KAZN: variants seen among roughly 807,000 people sequenced by gnomAD.
KAZN encodes the protein kazrin, periplakin interacting protein.
A neutral mutation model predicts 87.4 loss-of-function variants in KAZN; 40 were observed. That is an observed-to-expected ratio of 0.46 (90% CI 0.36 to 0.60). KAZN has a LOEUF of 0.60. Ranked by LOEUF, KAZN falls within the 20% of genes least tolerant of loss-of-function variation. KAZN has a pLI of 0.00. For missense variants in KAZN, 898 were observed against 1,073.9 expected (o/e 0.84, Z 2.29); for synonymous variants, 466 against 458.3 (o/e 1.02, Z -0.22).
chr1:14,451,652 C>T (rs1667284848), intron 2 of KAZN, among the ~76,000 whole-genome samples: 1 of 152,010 alleles, frequency 6.6e-6, no homozygotes, highest in African/African-American at 2.4e-5. Context: ...GTTTTAAATA[C>T]TTGCTTTTAA....
At chr1:14,280,515 AG>A (rs1465202038) in intron 2 of KAZN, among the ~76,000 whole-genome samples, 1 of 152,032 alleles carries the variant, frequency 6.6e-6, no homozygotes, top group Non-Finnish European at 1.5e-5. Flanking sequence ...TGAAGAGATC[AG>A]GGTGATACAT....
chr1:15,106,851 A>G (rs1221089065), intron 13 of KAZN, among the ~76,000 whole-genome samples: 2 of 152,194 alleles, frequency 1.3e-5, no homozygotes, highest in African/African-American at 2.4e-5. Flanking sequence ...GGCGCCAACA[A>G]TGTGTCAGTC....
At chr1:15,098,489 T>C (rs1996127) in intron 10 of KAZN, among the ~76,000 whole-genome samples, 106,295 of 151,888 alleles carry the variant, frequency 0.7, 37,649 homozygotes, top group African/African-American at 0.8. Context: ...GTGCCCCCTT[T>C]GCAGCTCTCC....
At chr1:14,280,292 AC>A (rs1652742430) in intron 2 of KAZN, among the ~76,000 whole-genome samples, 1 of 145,574 alleles carries the variant, frequency 6.9e-6, no homozygotes, top group South Asian at 2.3e-4. Flanking sequence ...ACTCACTTGA[AC>A]CCGGGAGGCG....
At chr1:14,585,717 A>G (rs1571987740) in intron 2 of KAZN, among the ~76,000 whole-genome samples, 1 of 152,214 alleles carries the variant, frequency 6.6e-6, no homozygotes, top group East Asian at 1.9e-4. Flanking sequence ...GGAGTGAGGA[A>G]TGACAAACAC....
intron 2 of KAZN, among the ~76,000 whole-genome samples, chr1:14,231,810 T>C (rs1016415003): frequency 6.6e-6 from 1 of 152,212 alleles, no homozygotes; most frequent in Non-Finnish European, 1.5e-5. Flanking sequence ...ACAGCAAACA[T>C]TTATTTCTCA....
chr1:14,183,343 C>T (rs1275146321), intron 2 of KAZN, among the ~76,000 whole-genome samples: 1 of 152,214 alleles, frequency 6.6e-6, no homozygotes, highest in East Asian at 1.9e-4. Flanking sequence ...GGGAGCACCT[C>T]ACATGGGTAG....
chr1:14,970,290 C>G (rs1461072359), intron 2 of KAZN, among the ~76,000 whole-genome samples: 1 of 152,180 alleles, frequency 6.6e-6, no homozygotes, highest in Admixed American at 6.5e-5. Context: ...GTCGTGCTTG[C>G]TGATATCTCA....
At chr1:14,490,021 G>A (rs1156821866) in intron 2 of KAZN, among the ~76,000 whole-genome samples, 1 of 152,154 alleles carries the variant, frequency 6.6e-6, no homozygotes, top group African/African-American at 2.4e-5. Flanking sequence ...TTTTGAGAAT[G>A]AGCATGCCAC....
intron 1 of KAZN, among the ~76,000 whole-genome samples, chr1:13,942,889 C>T (rs1167197176): frequency 6.6e-6 from 1 of 152,064 alleles, no homozygotes; most frequent in Non-Finnish European, 1.5e-5. Context: ...TTAGACACAA[C>T]AGCAAAGAAG....
intron 1 of KAZN, among the ~76,000 whole-genome samples, chr1:14,716,966 C>T (rs750263681): frequency 9.2e-5 from 14 of 151,832 alleles, no homozygotes; most frequent in East Asian, 1.9e-4. Context: ...ACTTGACTCA[C>T]AGCAGTCCCG....
intron 1 of KAZN, among the ~76,000 whole-genome samples, chr1:14,158,879 C>G (rs765615501): frequency 2.3e-4 from 35 of 152,164 alleles, no homozygotes; most frequent in Admixed American, 1.2e-3. Flanking sequence ...CCTTTATGGT[C>G]TTGGGTAATA....
At chr1:13,909,236 G>A (rs1035789697) in intron 1 of KAZN, among the ~76,000 whole-genome samples, 2 of 152,216 alleles carry the variant, frequency 1.3e-5, no homozygotes, top group Non-Finnish European at 2.9e-5. Context: ...TAGCAACAAT[G>A]TATCTGCAAG....
intron 2 of KAZN, among the ~76,000 whole-genome samples, chr1:14,419,553 TCTCA>T: frequency 6.6e-6 from 1 of 152,312 alleles, no homozygotes; most frequent in East Asian, 1.9e-4. Flanking sequence ...GGGTTCTTGG[TCTCA>T]CTGACTTCAA....
At chr1:14,807,867 C>T (rs1292998770) in intron 1 of KAZN, among the ~76,000 whole-genome samples, 3 of 152,096 alleles carry the variant, frequency 2.0e-5, no homozygotes, top group African/African-American at 7.2e-5. Context: ...CACAGGCAAC[C>T]CTGGCTTGGA....
intron 2 of KAZN, among the ~76,000 whole-genome samples, chr1:14,529,526 T>G (rs1408629936): frequency 6.6e-6 from 1 of 152,164 alleles, no homozygotes; most frequent in Non-Finnish European, 1.5e-5. Context: ...AAGAGTGTCT[T>G]GTAGATTCCA....
At chr1:13,909,165 C>G (rs1287080535) in intron 1 of KAZN, among the ~76,000 whole-genome samples, 1 of 152,148 alleles carries the variant, frequency 6.6e-6, no homozygotes, top group African/African-American at 2.4e-5. Flanking sequence ...TAGTGTCCAG[C>G]CTTGAATTAT....
At chr1:14,878,496 G>A (rs1653003969) in intron 1 of KAZN, among the ~76,000 whole-genome samples, 1 of 152,062 alleles carries the variant, frequency 6.6e-6, no homozygotes, top group African/African-American at 2.4e-5. Flanking sequence ...TAACTGTGCT[G>A]GGCATCCCCT....
intron 2 of KAZN, among the ~76,000 whole-genome samples, chr1:14,273,166 T>A (rs901142576): frequency 1.1e-4 from 17 of 152,140 alleles, no homozygotes; most frequent in African/African-American, 4.1e-4. Flanking sequence ...TGAGGGTGTG[T>A]TGGCTTATTT....
Sources: allele counts gnomAD v4.1 joint callset (sites outside exome capture counted in the v4.1 genomes callset), GRCh38; gene constraint gnomAD v4.1.1; transcripts MANE v1.5; gene names NCBI Gene and HGNC (gene_info 2026-07-23, HGNC 2026-07-21).